Variants in OPCML observed in about 807,000 individuals in gnomAD.
OPCML encodes opioid binding protein/cell adhesion molecule like, also known as opioid-binding protein/cell adhesion molecule.
Under a neutral mutation model 37.8 loss-of-function variants are expected in OPCML, and 13 were observed. That is an observed-to-expected ratio of 0.34 (90% CI 0.22 to 0.55). The LOEUF (loss-of-function observed/expected upper bound fraction) is 0.55. Among genes scored for constraint, OPCML ranks in the 20% least tolerant of loss-of-function variants. The pLI, the probability that OPCML is intolerant of heterozygous loss-of-function variation, is 0.91. For synonymous variants in OPCML, 176 were observed against 168.8 expected, an observed-to-expected ratio of 1.04 and a Z score of -0.33; for missense variants, 341 against 435.6, an observed-to-expected ratio of 0.78 and a Z score of 1.93.
chr11:133,238,712 A>G (rs908904011), intron 1 of OPCML, among the ~76,000 whole-genome samples: 3 of 149,222 alleles, frequency 2.0e-5, no homozygotes, highest in Non-Finnish European at 4.4e-5. Context: ...TCATAAAGCA[A>G]TGTTTCCATT....
intron 3 of OPCML, among the ~76,000 whole-genome samples, chr11:132,605,069 A>G (rs1938190750): frequency 6.6e-6 from 1 of 152,192 alleles, no homozygotes; most frequent in South Asian, 2.1e-4. Flanking sequence ...ACTAAGAATC[A>G]TAGTGCAGTC....
At chr11:132,783,367 A>G (rs1396175159) in intron 2 of OPCML, among the ~76,000 whole-genome samples, 1 of 152,142 alleles carries the variant, frequency 6.6e-6, no homozygotes, top group Non-Finnish European at 1.5e-5. Flanking sequence ...GTTAAGTCAT[A>G]TGCATAACAG....
chr11:133,201,305 C>CCTT (rs1938777060), intron 1 of OPCML, among the ~76,000 whole-genome samples: 1 of 147,762 alleles, frequency 6.8e-6, no homozygotes, highest in Admixed American at 6.7e-5. Flanking sequence ...ACAATGCATG[C>CCTT]TTTTTTTTTT....
At chr11:132,687,940 A>C (rs1233667740) in intron 2 of OPCML, among the ~76,000 whole-genome samples, 1 of 152,160 alleles carries the variant, frequency 6.6e-6, no homozygotes, top group African/African-American at 2.4e-5. Context: ...GTGATTTACT[A>C]TAGAATGCAC....
intron 1 of OPCML, among the ~76,000 whole-genome samples, chr11:133,487,771 G>C (rs2120408402): frequency 7.6e-6 from 1 of 131,028 alleles, no homozygotes. Context: ...GAGATACTCT[G>C]TGTTTGTGTG....
chr11:133,217,261 C>A (rs956066534), intron 1 of OPCML, among the ~76,000 whole-genome samples: 1 of 152,196 alleles, frequency 6.6e-6, no homozygotes, highest in African/African-American at 2.4e-5. Flanking sequence ...CAGTGCCCCC[C>A]AAAACAAAGC....
At chr11:133,041,223 T>G (rs1449947208) in intron 1 of OPCML, among the ~76,000 whole-genome samples, 3 of 152,226 alleles carry the variant, frequency 2.0e-5, no homozygotes, top group African/African-American at 7.2e-5. Flanking sequence ...AGCCACCACT[T>G]CTTAGGGCTG....
intron 1 of OPCML, among the ~76,000 whole-genome samples, chr11:133,232,604 T>C (rs1222347864): frequency 6.6e-6 from 1 of 152,206 alleles, no homozygotes; most frequent in African/African-American, 2.4e-5. Flanking sequence ...CTCTTCACTT[T>C]ATCCTGTTAT....
At chr11:133,408,939 T>A (rs932352247) in intron 1 of OPCML, among the ~76,000 whole-genome samples, 1 of 152,240 alleles carries the variant, frequency 6.6e-6, no homozygotes, top group African/African-American at 2.4e-5. Flanking sequence ...CTCTGTTATA[T>A]CTCTGCCAGC....
chr11:132,649,291 C>G (rs1380415752), intron 3 of OPCML, among the ~76,000 whole-genome samples: 1 of 151,984 alleles, frequency 6.6e-6, no homozygotes, highest in African/African-American at 2.4e-5. Context: ...TTTTTATAAA[C>G]TGTGTTGTGA....
intron 2 of OPCML, among the ~76,000 whole-genome samples, chr11:132,822,435 G>A (rs917368605): frequency 2.0e-5 from 3 of 152,158 alleles, no homozygotes; most frequent in Non-Finnish European, 2.9e-5. Context: ...TCTCTGAGGC[G>A]GTGAATGGAT....
At chr11:132,635,947 A>G (rs1940466484) in intron 3 of OPCML, among the ~76,000 whole-genome samples, 1 of 152,152 alleles carries the variant, frequency 6.6e-6, no homozygotes, top group South Asian at 2.1e-4. Context: ...AAATTTAGAT[A>G]GCTACATGTT....
At chr11:132,837,940 T>C (rs1941112668) in intron 2 of OPCML, among the ~76,000 whole-genome samples, 1 of 152,240 alleles carries the variant, frequency 6.6e-6, no homozygotes, top group South Asian at 2.1e-4. Flanking sequence ...TCACGTTCAA[T>C]GCCAGGCCGC....
At chr11:132,583,134 T>C (rs542867920) in intron 3 of OPCML, among the ~76,000 whole-genome samples, 9 of 152,066 alleles carry the variant, frequency 5.9e-5, no homozygotes, top group African/African-American at 1.9e-4. Flanking sequence ...AACTCTGCAG[T>C]CTTGACCTCC....
chr11:133,522,927 G>A (rs1047928598), intron 1 of OPCML, among the ~76,000 whole-genome samples: 5 of 152,250 alleles, frequency 3.3e-5, no homozygotes, highest in South Asian at 2.1e-4. Flanking sequence ...CTGCTCAGAG[G>A]GGTCTAGGCG....
chr11:133,091,769 G>GGA (rs1948910162), intron 1 of OPCML, among the ~76,000 whole-genome samples: 1 of 152,124 alleles, frequency 6.6e-6, no homozygotes, highest in Non-Finnish European at 1.5e-5. Context: ...TTTCTCACAG[G>GGA]ATGACTTGTA....
intron 4 of OPCML, among the ~76,000 whole-genome samples, chr11:132,462,949 G>A (rs1226336690): frequency 6.6e-6 from 1 of 152,090 alleles, no homozygotes; most frequent in Non-Finnish European, 1.5e-5. Context: ...GTCCCAACAA[G>A]GCCATGACCA....
intron 1 of OPCML, among the ~76,000 whole-genome samples, chr11:133,453,771 G>C (rs1307499928): frequency 3.9e-5 from 6 of 152,038 alleles, no homozygotes; most frequent in Non-Finnish European, 8.8e-5. Flanking sequence ...CACAGATAAG[G>C]GTCTTATATG....
intron 1 of OPCML, chr11:133,420,978 G>C: frequency 2.0e-6 from 2 of 985,128 alleles, no homozygotes; most frequent in Non-Finnish European, 2.4e-6. Context: ...TGCATGGCTG[G>C]GAAAAAAAGC....
Sources: allele counts gnomAD v4.1 joint callset (sites outside exome capture counted in the v4.1 genomes callset), GRCh38; gene constraint gnomAD v4.1.1; transcripts MANE v1.5; gene names NCBI Gene and HGNC (gene_info 2026-07-23, HGNC 2026-07-21).